The following C12orf42 variants were observed in gnomAD, a reference collection of about 807,000 sequenced individuals.
The protein encoded by C12orf42 is uncharacterized protein C12orf42.
A neutral mutation model predicts 21.6 loss-of-function variants in C12orf42; 25 were observed. That is an observed-to-expected ratio of 1.16 (90% CI 0.84 to 1.62). C12orf42 has a LOEUF of 1.62. C12orf42 is among the 40% of genes most tolerant of loss of function. The probability of loss-of-function intolerance (pLI) is 0.00; values close to 1 mark genes in which losing one functional copy is unlikely to be tolerated. For missense variants in C12orf42, 483 were observed against 459.3 expected (o/e 1.05, Z -0.47); for synonymous variants, 174 against 175.0 (o/e 0.99, Z 0.05).
At chr12:103,436,046 G>T (rs539424119) in intron 2 of C12orf42, among the ~76,000 whole-genome samples, 4 of 151,976 alleles carry the variant, frequency 2.6e-5, no homozygotes, top group Non-Finnish European at 5.9e-5. Context: ...GACTAACAGC[G>T]GATCTCTCGG....
chr12:103,169,197 T>TAAATAAAA, the C12orf42 span, among the ~76,000 whole-genome samples: 2 of 133,684 alleles, frequency 1.5e-5, no homozygotes, highest in South Asian at 2.4e-4. Context: ...AATAAATAAA[T>TAAATAAAA]AAAATAAAGA....
downstream of C12orf42, among the ~76,000 whole-genome samples, chr12:103,297,570 T>C (rs1364501590): frequency 3.9e-5 from 6 of 152,042 alleles, no homozygotes; most frequent in African/African-American, 1.4e-4. Flanking sequence ...TTCCAATCAA[T>C]AGAAAAAGAG....
At chr12:103,196,685 C>A in the C12orf42 span, among the ~76,000 whole-genome samples, 34 of 151,984 alleles carry the variant, frequency 2.2e-4, no homozygotes, top group Admixed American at 1.8e-3. Flanking sequence ...CCTTATTTGT[C>A]CTTTTAAGTC....
At chr12:103,269,876 A>G (rs925440075) in intron 5 of C12orf42, 1 of 152,256 alleles carries the variant, frequency 6.6e-6, no homozygotes, top group Non-Finnish European at 1.5e-5. Flanking sequence ...AGGATGGAGG[A>G]GAGGGATATT....
At chr12:103,354,995 A>G (rs897134829) in intron 4 of C12orf42, among the ~76,000 whole-genome samples, 3 of 152,186 alleles carry the variant, frequency 2.0e-5, no homozygotes, top group Non-Finnish European at 1.5e-5. Flanking sequence ...ATGAATACAT[A>G]TATTAAACAT....
At chr12:103,533,870 C>A in the C12orf42 span, among the ~76,000 whole-genome samples, 6 of 152,134 alleles carry the variant, frequency 3.9e-5, no homozygotes, top group Admixed American at 3.3e-4. Flanking sequence ...GGAGTCACTG[C>A]CTAGGTTTAA....
intron 2 of C12orf42, among the ~76,000 whole-genome samples, chr12:103,468,755 C>T (rs1413940141): frequency 1.3e-5 from 2 of 152,000 alleles, no homozygotes; most frequent in African/African-American, 2.4e-5. Context: ...ATGAATTCAC[C>T]CAAGTGCAAA....
chr12:103,422,783 C>A (rs2050019250), intron 2 of C12orf42, among the ~76,000 whole-genome samples: 1 of 150,780 alleles, frequency 6.6e-6, no homozygotes, highest in Admixed American at 6.6e-5. Context: ...AGAAAAAAGA[C>A]ACTTGTGTTC....
the C12orf42 span, among the ~76,000 whole-genome samples, chr12:103,226,251 G>T: frequency 1.3e-5 from 2 of 152,114 alleles, no homozygotes; most frequent in Non-Finnish European, 2.9e-5. Context: ...TCACAGAGGA[G>T]GCAAGGAATT....
In C12orf42 at chr12:103,408,113, T is replaced by C. The variant is rs546714417; in HGVS notation, c.79-6438A>G. Among the ~76,000 whole-genome samples the C allele has an allele frequency of 2.0e-5, 3 of 152,312 alleles. No homozygotes were observed. In the South Asian group the frequency reaches 6.2e-4, roughly 32 times the overall value. On this transcript the variant is annotated intron_variant, in intron 2 of 5. Coordinates refer to ENST00000548883, the MANE Select transcript of C12orf42 (RefSeq NM_198521.5). ...TTCCTATCCCCTTGGCTTGGAGTCA[T>C]GTGTAAGGTATAACATCAAACTTAC...
chr12:103,416,936 T>C (rs2049399366), intron 2 of C12orf42, among the ~76,000 whole-genome samples: 1 of 152,194 alleles, frequency 6.6e-6, no homozygotes, highest in Admixed American at 6.5e-5. Flanking sequence ...TGGATTGATG[T>C]AATTTTATTA....
At chr12:103,108,535 G>A in the C12orf42 span, among the ~76,000 whole-genome samples, 1 of 151,884 alleles carries the variant, frequency 6.6e-6, no homozygotes, top group African/African-American at 2.4e-5. Flanking sequence ...GAAAAAAATG[G>A]TAATTTGAAA....
At chr12:103,318,973 G>C (rs1054850599) in intron 4 of C12orf42, among the ~76,000 whole-genome samples, 6 of 152,192 alleles carry the variant, frequency 3.9e-5, no homozygotes, top group Non-Finnish European at 8.8e-5. Context: ...GCTTGCTGGA[G>C]ACACAAAAGG....
intron 2 of C12orf42, among the ~76,000 whole-genome samples, chr12:103,457,402 G>A (rs375306763): frequency 6.0e-4 from 92 of 152,212 alleles, no homozygotes; most frequent in African/African-American, 2.0e-3. Context: ...CCCAAAAATT[G>A]CTAGTCTGCC....
intron 3 of C12orf42, among the ~76,000 whole-genome samples, chr12:103,393,189 G>A (rs1446535106): frequency 6.6e-6 from 1 of 152,148 alleles, no homozygotes; most frequent in Admixed American, 6.5e-5. Flanking sequence ...TGGCTCACAG[G>A]GATCTGCAGG....
Position 103,346,772 on chromosome 12 carries a change from C to T in C12orf42, c.259+22115G>A, listed in dbSNP as rs186492386. On this transcript the variant is annotated intron_variant, in intron 4 of 5. Transcript: ENST00000548883. ...TCCAGATTCTCATGTGCTGTTGGCC[C>T]TGTGGATTCTATTCCAAAGTCAGGT... 2.0e-3 allele frequency among the ~76,000 whole-genome samples: 309 copies of T among 152,286 alleles called. 1 individual carries two copies. The highest frequency in any genetic ancestry group is 3.5e-4 in the Non-Finnish European group (24 of 68,030).
chr12:103,260,330 G>A (rs1040076648), intron 10 of C12orf42, among the ~76,000 whole-genome samples: 5 of 152,112 alleles, frequency 3.3e-5, no homozygotes, highest in Non-Finnish European at 7.4e-5. Context: ...GAGGTCTTGC[G>A]CTGACACATG....
At chr12:103,089,445 T>C in the C12orf42 span, among the ~76,000 whole-genome samples, 2 of 152,350 alleles carry the variant, frequency 1.3e-5, no homozygotes, top group African/African-American at 2.4e-5. Context: ...GTACTGTCAA[T>C]GGACATCTCT....
the C12orf42 span, among the ~76,000 whole-genome samples, chr12:103,194,480 C>A: frequency 6.6e-6 from 1 of 152,044 alleles, no homozygotes; most frequent in East Asian, 1.9e-4. Context: ...TTTTAGGAAA[C>A]AAAATCAACA....
Sources: allele counts gnomAD v4.1 joint callset (sites outside exome capture counted in the v4.1 genomes callset), GRCh38; gene constraint gnomAD v4.1.1; transcripts MANE v1.5; gene names NCBI Gene and HGNC (gene_info 2026-07-23, HGNC 2026-07-21).